The following HTR3B variants were observed in gnomAD, a reference collection of about 807,000 sequenced individuals.
HTR3B encodes 5-hydroxytryptamine (serotonin) receptor 3B, ionotropic.
Under a neutral mutation model 42.8 loss-of-function variants are expected in HTR3B, and 44 were observed. The ratio of observed to expected loss-of-function variants is 1.03; its 90% CI spans 0.81 to 1.32. The LOEUF is 1.32. HTR3B is among the 40% of genes most tolerant of loss of function. The pLI is 0.00. For synonymous variants in HTR3B, 203 were observed against 209.0 expected, an observed-to-expected ratio of 0.97 and a Z score of 0.25; for missense variants, 527 against 536.5, an observed-to-expected ratio of 0.98 and a Z score of 0.17.
Position 113,946,757 on chromosome 11 carries a change from C to G in HTR3B, c.*620C>G, listed in dbSNP as rs1470107838. Among the ~76,000 whole-genome samples the G allele has an allele frequency of 6.6e-6, 1 of 152,202 alleles. No homozygotes were observed. Among genetic ancestry groups the G allele is most frequent in the East Asian group, 1.9e-4 (1 of 5,202 alleles). ...AAGATTTCTAGGCACACACATGCATCTATGTATGGTTAAGCAGTTTTTTAA... is the reference window on the plus strand; with the variant it reads ...AAGATTTCTAGGCACACACATGCATGTATGTATGGTTAAGCAGTTTTTTAA... On this transcript the variant is annotated 3_prime_UTR_variant, in exon 9 of 9. Transcript: ENST00000260191.
chr11:113,942,964 C>T lies in HTR3B; in HGVS notation c.697-18C>T, dbSNP rs761985766. 2.5e-6 allele frequency: 4 copies of T among 1,611,474 alleles called. No homozygotes were observed. The South Asian group carries it at 4.4e-5, about 18-fold the overall frequency. ...TGGCCTAGATCCTCTTTTCATCAGACCACTTGTTCCCGGCCAGGTGGTGAT... is the reference window on the plus strand; with the variant it reads ...TGGCCTAGATCCTCTTTTCATCAGATCACTTGTTCCCGGCCAGGTGGTGAT... On this transcript the variant is annotated intron_variant, in intron 6 of 8. Coordinates refer to ENST00000260191, the MANE Select transcript of HTR3B (RefSeq NM_006028.5).
At position 113,932,944 on chromosome 11, in the gene HTR3B, GTA is replaced by G; in HGVS notation, c.548_549del (p.Val183GlyfsTer14). ...GTTTGTGTTGTTTGCAGTGGAAGAC[GTA>G]GACCTGGCCTTTCTGAGGAGCCCAG... is the stretch of plus-strand genomic sequence containing the variant. ...FKSILHTVEDVDLAFLRSPED... is the reference protein window; with the variant it reads ...FKSILHTVEDXDLAFLRSPED... On this transcript the variant is annotated frameshift_variant, in exon 6 of 9. Transcript: ENST00000260191. LOFTEE classifies it high-confidence loss of function. 6.2e-7 allele frequency: 1 copy of G among 1,613,900 alleles called. No individual in the cohort carries two copies. Among genetic ancestry groups the G allele is most frequent in the Non-Finnish European group, 8.5e-7 (1 of 1,179,932 alleles).
At chr11:113,939,075 A>C (rs1305269805) in intron 6 of HTR3B, among the ~76,000 whole-genome samples, 1 of 152,178 alleles carries the variant, frequency 6.6e-6, no homozygotes, top group Non-Finnish European at 1.5e-5. Flanking sequence ...CTGGAAGAAA[A>C]CCAAAACCCA....
chr11:113,925,742 GA>G (rs964663399), intron 2 of HTR3B, among the ~76,000 whole-genome samples: 20 of 151,448 alleles, frequency 1.3e-4, no homozygotes, highest in African/African-American at 2.9e-4. Flanking sequence ...GGAAAGAAAT[GA>G]AAAAAAATGA....
rs999581239 is a variant in HTR3B at position 113,947,688 on chromosome 11, A to G, written c.*1551A>G. On this transcript the variant is annotated 3_prime_UTR_variant, in exon 9 of 9. Transcript: ENST00000260191. ...GGGTCCATCCTAGTGACCTCTTTTA[A>G]CCTTAATCACTTTTTTCAAGGCCCT... Among the ~76,000 whole-genome samples, 1 of 152,016 alleles carries G rather than the reference A, an allele frequency of 6.6e-6. No individual in the cohort carries two copies. Among genetic ancestry groups the G allele is most frequent in the Non-Finnish European group, 1.5e-5 (1 of 67,998 alleles).
intron 2 of HTR3B, among the ~76,000 whole-genome samples, chr11:113,929,883 C>A (rs964839628): frequency 1.3e-5 from 2 of 152,092 alleles, no homozygotes; most frequent in African/African-American, 2.4e-5. Flanking sequence ...CAGGCGCCCA[C>A]GACCACGCCC....
Position 113,945,961 on chromosome 11 carries a change from C to T in HTR3B, c.1150C>T (p.Gln384Ter), listed in dbSNP as rs1490473586. The T allele has an allele frequency of 9.9e-6, 16 of 1,614,184 alleles. No individual in the cohort carries two copies. Among genetic ancestry groups the T allele is most frequent in the Non-Finnish European group, 1.3e-5 (15 of 1,180,030 alleles). ...AGGAACCCTGAAGGAAGTCTGGTCG[C>T]AGCTTCAATCTATCAGCAACTACCT... ...QPGTLKEVWS[Q>*]LQSISNYLQT... is the part of the protein sequence containing the mutation. Residue 384 changes from glutamine to a stop codon, truncating the protein, a stop_gained, in exon 9 of 9, where the codon CAG becomes TAG. Coordinates refer to ENST00000260191, the MANE Select transcript of HTR3B (RefSeq NM_006028.5). LOFTEE classifies it low-confidence loss of function (END_TRUNC).
intron 2 of HTR3B, among the ~76,000 whole-genome samples, chr11:113,926,324 T>C (rs948920984): frequency 5.9e-5 from 9 of 152,232 alleles, no homozygotes; most frequent in South Asian, 4.1e-4. Context: ...CTGCTATGAA[T>C]ATTTTTATAC....
intron 1 of HTR3B, among the ~76,000 whole-genome samples, chr11:113,906,754 TAA>T (rs1161921653): frequency 2.6e-5 from 4 of 152,204 alleles, no homozygotes; most frequent in Non-Finnish European, 5.9e-5. Context: ...TGGGCAGTGC[TAA>T]GCTCACTATG....
At chr11:113,900,628 G>C (rs556514446), upstream of HTR3B, among the ~76,000 whole-genome samples, 1 of 152,238 alleles carries the variant, frequency 6.6e-6, no homozygotes, top group Non-Finnish European at 1.5e-5. Flanking sequence ...TGAGTAGCTG[G>C]GATAACAGGC....
upstream of HTR3B, among the ~76,000 whole-genome samples, chr11:113,902,900 C>T (rs868535913): frequency 1.4e-4 from 22 of 152,006 alleles, no homozygotes; most frequent in African/African-American, 4.3e-4. Flanking sequence ...ACAGGGTCTA[C>T]CTCTATTGCC....
intron 2 of HTR3B, among the ~76,000 whole-genome samples, chr11:113,920,829 T>C (rs1565559615): frequency 6.6e-6 from 1 of 152,178 alleles, no homozygotes; most frequent in African/African-American, 2.4e-5. Flanking sequence ...TTATTTTTTT[T>C]TGAGACAGAG....
At chr11:113,925,834 T>C (rs1949965233) in intron 2 of HTR3B, among the ~76,000 whole-genome samples, 1 of 152,212 alleles carries the variant, frequency 6.6e-6, no homozygotes, top group African/African-American at 2.4e-5. Flanking sequence ...ATTGCCCTTT[T>C]CTTTATTAAT....
chr11:113,934,759 CT>C (rs58163738), intron 6 of HTR3B, among the ~76,000 whole-genome samples: 2 of 146,612 alleles, frequency 1.4e-5, no homozygotes, highest in Admixed American at 6.8e-5. Flanking sequence ...AGCAAGCAAG[CT>C]TTTTTTTTTT....
intron 6 of HTR3B, among the ~76,000 whole-genome samples, chr11:113,940,037 C>CCA (rs1443126921): frequency 6.6e-6 from 1 of 152,036 alleles, no homozygotes; most frequent in Non-Finnish European, 1.5e-5. Flanking sequence ...CAGGCACATG[C>CCA]CACCACACCT....
In HTR3B at chr11:113,925,803, CT is replaced by C. The variant is rs1169402762; in HGVS notation, c.214-5580del. Among the ~76,000 whole-genome samples the C allele has an allele frequency of 2.0e-4, 31 of 152,074 alleles. 1 individual carries two copies. The highest frequency in any genetic ancestry group is 2.0e-3 in the Admixed American group (31 of 15,258). On this transcript the variant is annotated intron_variant, in intron 2 of 8. Transcript: ENST00000260191. ...ATGCATCAGACTTCTTATAAATTTACTGGAAATGTCTTAAAAAACAATTGCC... is the reference window on the plus strand; with the variant it reads ...ATGCATCAGACTTCTTATAAATTTACGGAAATGTCTTAAAAAACAATTGCC...
At chr11:113,944,909 G>A (rs1950165197) in intron 8 of HTR3B, among the ~76,000 whole-genome samples, 154 bp downstream of exon 8, 2 of 152,138 alleles carry the variant, frequency 1.3e-5, no homozygotes, top group Non-Finnish European at 2.9e-5. Flanking sequence ...TTATCTCTCT[G>A]GAGACTGAAG....
intron 6 of HTR3B, among the ~76,000 whole-genome samples, chr11:113,937,514 G>A (rs987665933): frequency 6.6e-6 from 1 of 152,300 alleles, no homozygotes; most frequent in Admixed American, 6.5e-5. Context: ...TGAGCACTTA[G>A]CCTATGCCAA....
chr11:113,939,247 G>T (rs1469509939), intron 6 of HTR3B, among the ~76,000 whole-genome samples: 2 of 152,172 alleles, frequency 1.3e-5, no homozygotes, highest in Non-Finnish European at 2.9e-5. Context: ...GAAGCTAATT[G>T]TCCACCCTTG....
Sources: gnomAD v4.1 joint callset for allele counts (sites outside exome capture counted in the v4.1 genomes callset) on GRCh38, gnomAD v4.1.1 for gene constraint, MANE v1.5 for transcripts, NCBI Gene and HGNC (gene_info 2026-07-23, HGNC 2026-07-21) for gene names.